Variants in GAREM2 observed in about 807,000 individuals in gnomAD.
The protein encoded by GAREM2 is GRB2 associated regulator of MAPK1 subtype 2.
In GAREM2, 30 loss-of-function variants were observed where a neutral mutation model predicts 55.6. The observed-to-expected ratio is 0.54, with a 90% CI of 0.40 to 0.73. The LOEUF (loss-of-function observed/expected upper bound fraction) is 0.73, where lower values mean the gene tolerates loss of function less well. Among genes scored for constraint, GAREM2 ranks in the 30% least tolerant of loss-of-function variants. The pLI is 0.00. For missense variants in GAREM2, 1,075 were observed against 1,257.7 expected, an observed-to-expected ratio of 0.85 and a Z score of 2.20; for synonymous variants, 550 against 569.1, an observed-to-expected ratio of 0.97 and a Z score of 0.48.
the GAREM2 span, chr2:26,204,132 C>T: frequency 1.9e-6 from 3 of 1,613,764 alleles, no homozygotes; most frequent in Non-Finnish European, 2.5e-6. Context: ...GTCTTTAGCC[C>T]CTTATCCACG....
chr2:26,178,205 G>A lies in GAREM2; in HGVS notation c.253+1721G>A, dbSNP rs76595965. Among the ~76,000 whole-genome samples, 234 of 152,332 alleles carry A rather than the reference G, an allele frequency of 1.5e-3. 2 individuals are homozygous for A. Among genetic ancestry groups the A allele is most frequent in the African/African-American group, 5.3e-3 (222 of 41,570 alleles). ...TTCTATCTTGGGCTTGGAGCCCACT[G>A]GGGGCCTGCTCAAGCTAGAAATTTC... On this transcript the variant is annotated intron_variant, in intron 2 of 5. Transcript: ENST00000401533.
the GAREM2 span, among the ~76,000 whole-genome samples, chr2:26,198,314 A>G: frequency 7.2e-5 from 11 of 152,166 alleles, no homozygotes; most frequent in African/African-American, 2.7e-4. Flanking sequence ...CACCTGGAGA[A>G]TAGTCTCTAA....
chr2:26,200,089 T>C, the GAREM2 span, among the ~76,000 whole-genome samples: 1 of 152,216 alleles, frequency 6.6e-6, no homozygotes, highest in Non-Finnish European at 1.5e-5. Flanking sequence ...TGGAAGATTG[T>C]CCAAGGAATG....
At chr2:26,180,484 A>G (rs559852546) in intron 2 of GAREM2, among the ~76,000 whole-genome samples, 10 of 151,816 alleles carry the variant, frequency 6.6e-5, no homozygotes, top group African/African-American at 1.4e-4. Flanking sequence ...TGGCCAGTCT[A>G]TTTCACTGGT....
chr2:26,187,470 C>G lies in GAREM2; in HGVS notation c.1838C>G (p.Pro613Arg). The change falls in exon 6 of 6, where the codon CCT (proline) becomes CGT (arginine). Residue 613 changes from proline (P) to arginine (R), a missense_variant. Physicochemically the swap from Pro to Arg is moderately radical, Grantham distance 103. Transcript: ENST00000401533. ...TPVKTYHSCP[P>R]LFKPSHPQKR... ...GTTAAGACCTACCACAGCTGCCCTC[C>G]TCTATTCAAGCCCTCACATCCCCAG... 6.5e-7 allele frequency: 1 copy of G among 1,548,386 alleles called. No individual in the cohort carries two copies. The highest frequency in any genetic ancestry group is 1.2e-5 in the South Asian group (1 of 83,324).
chr2:26,196,371 C>T, the GAREM2 span, among the ~76,000 whole-genome samples: 1 of 152,158 alleles, frequency 6.6e-6, no homozygotes, highest in South Asian at 2.1e-4. Context: ...CTCAGTACTC[C>T]TGAGCAAAAG....
At chr2:26,197,802 T>C in the GAREM2 span, 3 of 1,150,178 alleles carry the variant, frequency 2.6e-6, no homozygotes, top group Non-Finnish European at 1.3e-6. Flanking sequence ...CATTTAACAA[T>C]GTGTCAGGTA....
the GAREM2 span, among the ~76,000 whole-genome samples, chr2:26,202,592 T>A: frequency 2.0e-5 from 3 of 151,988 alleles, no homozygotes; most frequent in Admixed American, 6.6e-5. Flanking sequence ...AAAACAAAAA[T>A]CAGCTGTGCA....
At chr2:26,191,746 G>A, downstream of GAREM2, 1 of 1,017,328 alleles carries the variant, frequency 9.8e-7, no homozygotes, top group Admixed American at 1.8e-5. Context: ...GCCGGTTGGT[G>A]CTGGCCCTCA....
At position 26,187,992 on chromosome 2, in the gene GAREM2, A is replaced by G. The variant is rs1669345300; in HGVS notation, c.2360A>G (p.Asp787Gly). 6.8e-7 allele frequency: 1 copy of G among 1,470,046 alleles called. No individual in the cohort carries two copies. Among genetic ancestry groups the G allele is most frequent in the Non-Finnish European group, 9.0e-7 (1 of 1,105,020 alleles). 91.1% of individuals were successfully genotyped at this position (1,470,046 alleles called of 1,614,324 possible). The change falls in exon 6 of 6, where the codon GAT (aspartate) becomes GGT (glycine). Residue 787 changes from aspartate (D) to glycine (G), a missense_variant. Transcript: ENST00000401533. ...GAAGGGCCTCCTGCCAGTCCCCGGG[A>G]TGGAGCCACAGGCTTTGGAGTCCGA... Reference protein sequence around the residue: ...RLEGPPASPRDGATGFGVRDA... With the variant: ...RLEGPPASPRGGATGFGVRDA...
rs760027118 is a variant in GAREM2 at position 26,187,594 on chromosome 2, G to T, written c.1962G>T (p.Ser654=). 3 of 1,549,206 alleles carry T rather than the reference G, an allele frequency of 1.9e-6. No individual in the cohort carries two copies. In the South Asian group the frequency reaches 3.6e-5, roughly 19 times the overall value. ...AALSSGPRTT[S]GPVATSGPAY... ...TGTCTTCTGGGCCCAGAACCACCTC[G>T]GGTCCTGTGGCTACCTCTGGCCCTG... Residue 654 remains serine (S), a synonymous_variant, in exon 6 of 6, where the codon TCG becomes TCT. Coordinates refer to ENST00000401533, the MANE Select transcript of GAREM2 (RefSeq NM_001168241.2).
At chr2:26,177,058 G>A (rs1371305791) in intron 2 of GAREM2, among the ~76,000 whole-genome samples, 4 of 152,180 alleles carry the variant, frequency 2.6e-5, no homozygotes, top group Admixed American at 2.6e-4. Context: ...TATACGTGAC[G>A]TTGACATATA....
chr2:26,197,559 T>C, the GAREM2 span: 2 of 708,722 alleles, frequency 2.8e-6, no homozygotes, highest in East Asian at 5.2e-5. Context: ...TAGCATTTAT[T>C]GTGTCCAGTG....
the GAREM2 span, among the ~76,000 whole-genome samples, chr2:26,200,741 T>C: frequency 1.3e-5 from 2 of 152,136 alleles, no homozygotes; most frequent in African/African-American, 4.8e-5. Flanking sequence ...AAGTCTTTTT[T>C]TTTTTTTTGG....
chr2:26,181,961 A>G (rs1669064920), intron 2 of GAREM2: 23 of 984,432 alleles, frequency 2.3e-5, no homozygotes, highest in Non-Finnish European at 2.8e-5. Flanking sequence ...CCTGGGCGAC[A>G]GCAAGACCCT....
the GAREM2 span, among the ~76,000 whole-genome samples, chr2:26,198,435 G>GT: frequency 6.6e-6 from 1 of 151,218 alleles, no homozygotes; most frequent in Admixed American, 6.6e-5. Context: ...GAGTGTAGTG[G>GT]TGCAATCTAG....
In GAREM2 at chr2:26,181,028, G is replaced by T. The variant is rs1368917942; in HGVS notation, c.254-1939G>T. 4.1e-6 allele frequency: 4 copies of T among 985,338 alleles called. No individual in the cohort carries two copies. In the Admixed American group the frequency reaches 2.5e-4, roughly 61 times the overall value. The allele number at this position is 985,338 out of a possible 1,614,324, so 61.0% of individuals were successfully genotyped here. On this transcript the variant is annotated intron_variant, in intron 2 of 5. Coordinates refer to ENST00000401533, the MANE Select transcript of GAREM2 (RefSeq NM_001168241.2). The stretch of plus-strand genomic sequence containing the variant: ...CAAGCCTGCTGGGTCTCCCTTCCCA[G>T]TATCTCTTGGTCTGTTTCTGCTATT...
the GAREM2 span, among the ~76,000 whole-genome samples, chr2:26,203,156 C>G: frequency 6.6e-6 from 1 of 152,174 alleles, no homozygotes. Flanking sequence ...TGTTATCTTA[C>G]AATAATCTGC....
At chr2:26,190,847 G>A (rs146210168), downstream of GAREM2, 21 of 295,890 alleles carry the variant, frequency 7.1e-5, no homozygotes, top group East Asian at 1.0e-3. Flanking sequence ...TGAAGGAGGC[G>A]TTTAAACCAG....
Sources: gnomAD v4.1 joint callset for allele counts (sites outside exome capture counted in the v4.1 genomes callset) on GRCh38, gnomAD v4.1.1 for gene constraint, MANE v1.5 for transcripts, NCBI Gene and HGNC (gene_info 2026-07-23, HGNC 2026-07-21) for gene names.